CHST13: variants seen among roughly 807,000 people sequenced by gnomAD.
CHST13 encodes C4ST-3.
A neutral mutation model predicts 7.0 loss-of-function variants in CHST13; 1 was observed. That is an observed-to-expected ratio of 0.14 (90% CI 0.05 to 0.68). The LOEUF is 0.68. Ranked by LOEUF, CHST13 falls within the 30% of genes least tolerant of loss-of-function variation. The probability of loss-of-function intolerance (pLI) is 0.82; values close to 1 mark genes in which losing one functional copy is unlikely to be tolerated. For missense variants in CHST13, 572 were observed against 507.9 expected (o/e 1.13, Z -1.21); for synonymous variants, 257 against 240.9 (o/e 1.07, Z -0.62).
chr3:126,536,574 A>G (rs1047053604), intron 2 of CHST13, among the ~76,000 whole-genome samples: 10 of 152,120 alleles, frequency 6.6e-5, no homozygotes, highest in African/African-American at 2.4e-4. Context: ...CCATCCATCA[A>G]CAATCTGAGG....
chr3:126,539,389 T>C (rs1460121928), intron 2 of CHST13, among the ~76,000 whole-genome samples: 1 of 152,022 alleles, frequency 6.6e-6, no homozygotes, highest in East Asian at 1.9e-4. Context: ...TGGGATAGTT[T>C]GAAAGGCATC....
chr3:126,537,490 A>G (rs930680465), intron 2 of CHST13, among the ~76,000 whole-genome samples: 3 of 152,168 alleles, frequency 2.0e-5, no homozygotes, highest in Non-Finnish European at 2.9e-5. Context: ...CTGCTCCCCA[A>G]ATCCTGAGGG....
At position 126,541,830 on chromosome 3, in the gene CHST13, C is replaced by G. The variant is rs374324912; in HGVS notation, c.278C>G (p.Pro93Arg). The G allele has an allele frequency of 1.1e-5, 17 of 1,570,294 alleles. No individual in the cohort carries two copies. In the African/African-American group the frequency reaches 1.5e-4, roughly 14 times the overall value. Residue 93 changes from proline to arginine, a missense_variant, in exon 3 of 3, where the codon CCG becomes CGG. Physicochemically the swap from Pro to Arg is moderately radical, Grantham distance 103 (BLOSUM62 -2). Transcript: ENST00000319340. ...RHSRRQRLLQ[P>R]EDLRHVLVDD... ...TCACGCCGGCAGCGCCTGCTACAGC[C>G]GGAGGACCTGCGGCACGTGCTGGTG...
rs111893151 is a variant in CHST13 at position 126,536,050 on chromosome 3, T to C, written c.98-221T>C. Among the ~76,000 whole-genome samples, 8 of 152,248 alleles carry C rather than the reference T, an allele frequency of 5.3e-5. 1 individual carries two copies. The highest frequency in any genetic ancestry group is 1.9e-4 in the African/African-American group (8 of 41,554). On this transcript the variant is annotated intron_variant, in intron 1 of 2. Transcript: ENST00000319340. ...CCCTCCAACTTTGGAGGGTAGGACA[T>C]GGGAGCAGGAATGACACAAGATACT...
In CHST13 at chr3:126,542,452, C is replaced by T. The variant is rs1327969367; in HGVS notation, c.900C>T (p.Ser300=). Reference sequence around the variant, plus strand: ...CGCGGCCCCGGGGAGCCGCCGCCTCCCGCGACCTGGCAGCGCGCCTCTTCC... The same window carrying T: ...CGCGGCCCCGGGGAGCCGCCGCCTCTCGCGACCTGGCAGCGCGCCTCTTCC... ...GPPRPRGAAA[S]RDLAARLFRD... The change falls in exon 3 of 3, where the codon TCC becomes TCT. Residue 300 remains serine (S), a synonymous_variant. Transcript: ENST00000319340. 1.3e-6 allele frequency: 2 copies of T among 1,567,646 alleles called. No homozygotes were observed. The highest frequency in any genetic ancestry group is 1.4e-5 in the African/African-American group (1 of 71,900).
chr3:126,529,407 C>T, intron 1 of CHST13: 2 of 1,288,476 alleles, frequency 1.6e-6, no homozygotes, highest in Non-Finnish European at 2.0e-6. Context: ...GGTGTCAGGA[C>T]AAGGGGGCAC....
At chr3:126,535,020 CAGCCAGGAGACACACAGCATCGCTGTCCT>C in intron 1 of CHST13, among the ~76,000 whole-genome samples, 5 of 150,380 alleles carry the variant, frequency 3.3e-5, no homozygotes, top group Middle Eastern at 3.3e-3. Context: ...TCCCTGTCCT[CAGCCAGGAGACACACAGCATCGCTGTCCT>C]CAGCCGGGAG....
At chr3:126,524,542 C>T (rs1035694091) in intron 1 of CHST13, 113 bp downstream of exon 1, 10 of 375,118 alleles carry the variant, frequency 2.7e-5, no homozygotes, top group African/African-American at 4.2e-5. Flanking sequence ...TCCTTCCTGG[C>T]TGGGGCTAGG....
At chr3:126,539,245 C>G (rs893884853) in intron 2 of CHST13, among the ~76,000 whole-genome samples, 1 of 152,104 alleles carries the variant, frequency 6.6e-6, no homozygotes, top group African/African-American at 2.4e-5. Context: ...TATGTCTGAA[C>G]GTATCTCTAA....
intron 1 of CHST13, among the ~76,000 whole-genome samples, chr3:126,535,467 C>T (rs1375331906): frequency 1.8e-4 from 28 of 151,762 alleles, no homozygotes; most frequent in African/African-American, 6.3e-4. Flanking sequence ...GACAGACAGA[C>T]AGTATCGCTG....
Position 126,541,976 on chromosome 3 carries a change from G to A in CHST13, c.424G>A (p.Glu142Lys). The change falls in exon 3 of 3, where the codon GAG becomes AAG. Residue 142 changes from glutamate (E) to lysine (K), a missense_variant. By Grantham distance (56) the Glu-to-Lys change is moderately conservative. Transcript: ENST00000319340. ...RGDPRAISAQ[E>K]AHAPGRLPSL... ...CGACCCGCGCGCCATCTCCGCGCAA[G>A]AGGCGCACGCGCCTGGCCGCCTGCC... is the stretch of plus-strand genomic sequence containing the variant. The A allele has an allele frequency of 2.5e-6, 4 of 1,577,560 alleles. No individual in the cohort carries two copies. The highest frequency in any genetic ancestry group is 3.4e-6 in the Non-Finnish European group (4 of 1,165,026).
At position 126,524,204 on chromosome 3, in the gene CHST13, G is replaced by A; in HGVS notation, c.-129G>A. On this transcript the variant is annotated 5_prime_UTR_variant, in exon 1 of 3. Transcript: ENST00000319340. ...GGTGGGGCTGGGGTCCAGCTGCCGT[G>A]CTCCCCTGCCCTGCGCCGCGCCGCG... The A allele has an allele frequency of 3.1e-6, 2 of 650,644 alleles. No homozygotes were observed. The highest frequency in any genetic ancestry group is 4.2e-6 in the Non-Finnish European group (2 of 470,770). The allele number at this position is 650,644 out of a possible 1,614,324, so 40.3% of individuals were successfully genotyped here. A position where few individuals can be genotyped will look rare whatever the true frequency, so the allele number is the denominator to read the frequency against.
At chr3:126,539,537 C>CCA (rs1321400302) in intron 2 of CHST13, among the ~76,000 whole-genome samples, 1 of 144,130 alleles carries the variant, frequency 6.9e-6, no homozygotes, top group Non-Finnish European at 1.5e-5. Context: ...CATGCACACA[C>CCA]CACACACACC....
chr3:126,524,461 C>A, intron 1 of CHST13, 32 bp downstream of exon 1: 1 of 831,666 alleles, frequency 1.2e-6, no homozygotes, highest in African/African-American at 1.8e-5. Context: ...CGCGCACCCC[C>A]AACCAAACCT....
Position 126,536,167 on chromosome 3 carries a change from A to G in CHST13, c.98-104A>G, listed in dbSNP as rs1275312224. On this transcript the variant is annotated intron_variant, in intron 1 of 2. Coordinates refer to ENST00000319340, the MANE Select transcript of CHST13 (RefSeq NM_152889.3). ...TAGGCAAGATCCGGGAAGGAAATTG[A>G]GTGCCAGAGGTGGGTCAAATGTGCC... is the stretch of plus-strand genomic sequence containing the variant. 3 of 867,842 alleles carry G rather than the reference A, an allele frequency of 3.5e-6. No homozygotes were observed. The East Asian group carries it at 7.5e-5, about 22-fold the overall frequency. The allele number at this position is 867,842 out of a possible 1,614,324, so 53.8% of individuals were successfully genotyped here.
Position 126,542,024 on chromosome 3 carries a change from G to T in CHST13, c.472G>T (p.Ala158Ser). The T allele has an allele frequency of 1.3e-6, 2 of 1,569,340 alleles. No individual in the cohort carries two copies. Among genetic ancestry groups the T allele is most frequent in the Non-Finnish European group, 1.7e-6 (2 of 1,161,828 alleles). The change falls in exon 3 of 3, where the codon GCC becomes TCC. Residue 158 changes from alanine (A) to serine (S), a missense_variant. Physicochemically the swap from Ala to Ser is moderately conservative, Grantham distance 99. Transcript: ENST00000319340. ...GCCCTCACTGGCCGACTTCAGCCCC[G>T]CCGAGATCAACCGGCGCCTGCGCGC... is the stretch of plus-strand genomic sequence containing the variant. ...RLPSLADFSP[A>S]EINRRLRAYL...
At position 126,536,245 on chromosome 3, in the gene CHST13, C is replaced by T. The variant is rs374394795; in HGVS notation, c.98-26C>T. 1,766 of 1,604,712 alleles carry T rather than the reference C, an allele frequency of 1.1e-3. 1 individual carries two copies. The highest frequency in any genetic ancestry group is 1.4e-3 in the Non-Finnish European group (1,598 of 1,172,092). Reference sequence around the variant, plus strand: ...CATGCAAGTCCCTCTGATATGGTGGCGACATCTCTCTCCTTATGCCCACAG... The same window carrying T: ...CATGCAAGTCCCTCTGATATGGTGGTGACATCTCTCTCCTTATGCCCACAG... On this transcript the variant is annotated intron_variant, in intron 1 of 2. Transcript: ENST00000319340.
chr3:126,537,938 T>G (rs1936832997), intron 2 of CHST13, among the ~76,000 whole-genome samples: 2 of 152,152 alleles, frequency 1.3e-5, no homozygotes, highest in South Asian at 4.1e-4. Context: ...CAGCAAGGAA[T>G]CCAGGCAGCC....
At chr3:126,541,681 G>C (rs1366061317) in intron 2 of CHST13, 52 bp from the exon 3 acceptor site, 19 of 1,375,330 alleles carry the variant, frequency 1.4e-5, no homozygotes, top group Non-Finnish European at 1.6e-5. Context: ...CAGAGTCAGG[G>C]AGCCCGCGCT....
Sources: allele counts gnomAD v4.1 joint callset (sites outside exome capture counted in the v4.1 genomes callset), GRCh38; gene constraint gnomAD v4.1.1; transcripts MANE v1.5; gene names NCBI Gene and HGNC (gene_info 2026-07-23, HGNC 2026-07-21).